Variants in PTPRG observed in about 807,000 individuals in gnomAD.
The protein encoded by PTPRG is protein tyrosine phosphatase receptor type G, also known as receptor-type tyrosine-protein phosphatase gamma.
In PTPRG, 102 loss-of-function variants were observed where a neutral mutation model predicts 165.3. The observed-to-expected ratio is 0.62, with a 90% CI of 0.53 to 0.73. The LOEUF is 0.73. Ranked by LOEUF, PTPRG falls within the 30% of genes least tolerant of loss-of-function variation. The pLI, the probability that PTPRG is intolerant of heterozygous loss-of-function variation, is 0.00. For missense variants in PTPRG, 1,866 were observed against 1,861.4 expected, an observed-to-expected ratio of 1.00 and a Z score of -0.05; for synonymous variants, 675 against 669.5, an observed-to-expected ratio of 1.01 and a Z score of -0.13.
At chr3:62,014,484 A>C (rs1173221729) in intron 4 of PTPRG, among the ~76,000 whole-genome samples, 1 of 152,182 alleles carries the variant, frequency 6.6e-6, no homozygotes, top group Non-Finnish European at 1.5e-5. Context: ...TTAATAGTAA[A>C]ATAACTTCTA....
chr3:62,269,232 G>A lies in PTPRG; in HGVS notation c.3009+63G>A, dbSNP rs1282683137. 13 of 1,456,832 alleles carry A rather than the reference G, an allele frequency of 8.9e-6. No homozygotes were observed. In the East Asian group the frequency reaches 1.9e-4, roughly 21 times the overall value. 90.2% of individuals were successfully genotyped at this position (1,456,832 alleles called of 1,614,324 possible). On this transcript the variant is annotated intron_variant, in intron 20 of 29. Transcript: ENST00000474889. ...TTTTTATACTTGTATGAAAATTACT[G>A]TACAACCAAGGCCAAATCTCATAAC...
At chr3:61,891,988 C>A (rs11713293) in intron 2 of PTPRG, among the ~76,000 whole-genome samples, 22,515 of 151,708 alleles carry the variant, frequency 0.15, 3,427 homozygotes, top group African/African-American at 0.39. Context: ...TTTATAGCTG[C>A]CTTTATGAAA....
At chr3:62,201,689 C>T (rs1355593462) in intron 11 of PTPRG, 135 bp downstream of exon 11, 1 of 632,344 alleles carries the variant, frequency 1.6e-6, no homozygotes, top group African/African-American at 1.8e-5. Context: ...GAAAAAATTA[C>T]ATTATTCACT....
At position 62,210,557 on chromosome 3, in the gene PTPRG, G is replaced by T. The variant is rs376957573; in HGVS notation, c.2155+6607G>T. Among the ~76,000 whole-genome samples, 1 of 152,188 alleles carries T rather than the reference G, an allele frequency of 6.6e-6. No homozygotes were observed. Among genetic ancestry groups the T allele is most frequent in the Non-Finnish European group, 1.5e-5 (1 of 68,026 alleles). Reference sequence around the variant, plus strand: ...ACCAGAATTACCATATGATTTAGCAGTTCTACTTCTGGGTATACACTTGAC... The same window carrying T: ...ACCAGAATTACCATATGATTTAGCATTTCTACTTCTGGGTATACACTTGAC... On this transcript the variant is annotated intron_variant, in intron 12 of 29. Coordinates refer to ENST00000474889, the MANE Select transcript of PTPRG (RefSeq NM_002841.4). The surrounding 1 kb of genome is among the most constrained non-coding windows in gnomAD (Gnocchi z 4.1).
Position 62,296,445 on chromosome 3 carries a change from T to C in PTPRG, c.*3138T>C, listed in dbSNP as rs925944340. On this transcript the variant is annotated 3_prime_UTR_variant, in exon 30 of 30. Coordinates refer to ENST00000474889, the MANE Select transcript of PTPRG (RefSeq NM_002841.4). Reference sequence around the variant, plus strand: ...ATATATACTGTATTTAAAATTAAAATATAGATACCAATTTACCAAAGATAC... The same window carrying C: ...ATATATACTGTATTTAAAATTAAAACATAGATACCAATTTACCAAAGATAC... 1 of 151,706 alleles carries C rather than the reference T, an allele frequency of 6.6e-6. No homozygotes were observed. Among genetic ancestry groups the C allele is most frequent in the African/African-American group, 2.4e-5 (1 of 41,302 alleles). The allele number at this position is 151,706 out of a possible 1,614,324, so 9.4% of individuals were successfully genotyped here.
chr3:61,821,551 G>A lies in PTPRG; in HGVS notation c.190+72569G>A, dbSNP rs1306261082. Among the ~76,000 whole-genome samples, 6 of 152,208 alleles carry A rather than the reference G, an allele frequency of 3.9e-5. No individual in the cohort carries two copies. The East Asian group carries it at 7.7e-4, about 20-fold the overall frequency. ...CTTTATGGGAAATAGTATTTCTTTCGTTTTGCATGCCAGAGAACTGAGGCT... is the reference window on the plus strand; with the variant it reads ...CTTTATGGGAAATAGTATTTCTTTCATTTTGCATGCCAGAGAACTGAGGCT... On this transcript the variant is annotated intron_variant, in intron 2 of 29. Coordinates refer to ENST00000474889, the MANE Select transcript of PTPRG (RefSeq NM_002841.4).
chr3:61,991,900 G>A (rs974738828), intron 3 of PTPRG, among the ~76,000 whole-genome samples: 8 of 152,220 alleles, frequency 5.3e-5, no homozygotes, highest in African/African-American at 1.7e-4. Flanking sequence ...CTCGATGCAA[G>A]CTGATTCATG....
chr3:62,209,070 A>T (rs1700297718), intron 12 of PTPRG, among the ~76,000 whole-genome samples: 2 of 152,208 alleles, frequency 1.3e-5, no homozygotes. Flanking sequence ...ATGCCAGATG[A>T]TTTCAGATGC....
chr3:62,133,711 A>G (rs1344385879), intron 6 of PTPRG, among the ~76,000 whole-genome samples: 1 of 152,186 alleles, frequency 6.6e-6, no homozygotes, highest in Non-Finnish European at 1.5e-5. Flanking sequence ...TGGGCCAGGC[A>G]TGGTGGCTTA....
intron 1 of PTPRG, among the ~76,000 whole-genome samples, chr3:61,618,549 G>T (rs552065067): frequency 2.0e-5 from 3 of 152,250 alleles, no homozygotes; most frequent in Non-Finnish European, 4.4e-5. Context: ...AATAAAAATT[G>T]TCTTTTTTAG....
chr3:62,270,750 C>T (rs1417625687), intron 20 of PTPRG, among the ~76,000 whole-genome samples: 1 of 152,004 alleles, frequency 6.6e-6, no homozygotes, highest in Admixed American at 6.6e-5. Context: ...AATAAGAAAT[C>T]GTATCATAGC....
At chr3:61,751,226 C>T (rs564833874) in intron 2 of PTPRG, among the ~76,000 whole-genome samples, 5 of 152,056 alleles carry the variant, frequency 3.3e-5, no homozygotes, top group Non-Finnish European at 7.4e-5. Context: ...GTAAACAAGG[C>T]CAGGAAGAAG....
chr3:61,571,205 T>C (rs1258411095), intron 1 of PTPRG, among the ~76,000 whole-genome samples: 1 of 152,136 alleles, frequency 6.6e-6, no homozygotes, highest in Non-Finnish European at 1.5e-5. Context: ...CACTGTAGGG[T>C]TAGGAAACTA....
chr3:62,123,392 T>C (rs1449748053), intron 5 of PTPRG, among the ~76,000 whole-genome samples: 1 of 152,198 alleles, frequency 6.6e-6, no homozygotes. Context: ...ACTATAGATG[T>C]GCACCACCAA....
At chr3:62,113,808 A>T (rs1345170471) in intron 5 of PTPRG, among the ~76,000 whole-genome samples, 3 of 152,162 alleles carry the variant, frequency 2.0e-5, no homozygotes. Flanking sequence ...ATATTAGAAG[A>T]TACAGATTTT....
At chr3:62,167,294 T>C (rs1705026746) in intron 7 of PTPRG, among the ~76,000 whole-genome samples, 1 of 152,190 alleles carries the variant, frequency 6.6e-6, no homozygotes, top group Non-Finnish European at 1.5e-5. Flanking sequence ...GCAGTTTGAC[T>C]TGCAAGTCAC....
chr3:62,110,806 A>C (rs1702642766), intron 5 of PTPRG, among the ~76,000 whole-genome samples: 1 of 152,192 alleles, frequency 6.6e-6, no homozygotes, highest in South Asian at 2.1e-4. Context: ...TGCTGGTAGA[A>C]ATTGCGAGGG....
intron 6 of PTPRG, among the ~76,000 whole-genome samples, chr3:62,145,350 C>G (rs749994447): frequency 6.6e-6 from 1 of 152,138 alleles, no homozygotes; most frequent in Non-Finnish European, 1.5e-5. Context: ...ATAGCTGTCA[C>G]CACTGCCACC....
At chr3:61,656,429 A>G (rs750369140) in intron 1 of PTPRG, among the ~76,000 whole-genome samples, 1 of 152,216 alleles carries the variant, frequency 6.6e-6, no homozygotes, top group Non-Finnish European at 1.5e-5. Context: ...TCATAAAATA[A>G]GCCCTAACCA....
Sources: gnomAD v4.1 joint callset for allele counts (sites outside exome capture counted in the v4.1 genomes callset) on GRCh38, gnomAD v4.1.1 for gene constraint, Gnocchi (gnomAD v3.1) non-coding constraint, MANE v1.5 for transcripts, NCBI Gene and HGNC (gene_info 2026-07-23, HGNC 2026-07-21) for gene names.